Variants in STOX2 observed in about 807,000 individuals in gnomAD.
STOX2 encodes storkhead box 2.
A neutral mutation model predicts 60.9 loss-of-function variants in STOX2; 28 were observed. That is an observed-to-expected ratio of 0.46 (90% CI 0.34 to 0.63). STOX2 has a LOEUF of 0.63. Among genes scored for constraint, STOX2 ranks in the 30% least tolerant of loss-of-function variants. The pLI, the probability that STOX2 is intolerant of heterozygous loss-of-function variation, is 0.01. For missense variants in STOX2, 1,024 were observed against 1,187.7 expected (o/e 0.86, Z 2.03); for synonymous variants, 472 against 463.9 (o/e 1.02, Z -0.22).
At chr4:183,988,992 C>A (rs1233350731) in intron 1 of STOX2, among the ~76,000 whole-genome samples, 1 of 152,174 alleles carries the variant, frequency 6.6e-6, no homozygotes, top group Non-Finnish European at 1.5e-5. Context: ...GCCCACCACA[C>A]ACGACCTCAC....
intron 1 of STOX2, among the ~76,000 whole-genome samples, chr4:183,996,259 T>C (rs1733342790): frequency 6.6e-6 from 1 of 152,220 alleles, no homozygotes; most frequent in Non-Finnish European, 1.5e-5. Flanking sequence ...TACTCCTTTT[T>C]TAGAACAATA....
intron 1 of STOX2, among the ~76,000 whole-genome samples, chr4:183,963,969 G>T (rs1042183827): frequency 6.6e-6 from 1 of 151,286 alleles, no homozygotes; most frequent in Non-Finnish European, 1.5e-5. Context: ...TAGAGACGGG[G>T]TTTCACTGTG....
intron 1 of STOX2, among the ~76,000 whole-genome samples, chr4:183,859,119 T>G (rs892838): frequency 0.36 from 54,075 of 152,116 alleles, 10,495 homozygotes; most frequent in East Asian, 0.59. Context: ...TTGGTGGCTG[T>G]CATAGGCTAC....
In STOX2 at chr4:183,827,278, G is replaced by A. The variant is rs542539872; in HGVS notation, c.364+29223G>A. ...TTTGGGAGGCCAAGGAGGGAGCATC[G>A]CTTGAGGCCAGGAGTTCAACACTAG... On this transcript the variant is annotated intron_variant, in intron 1 of 2. Transcript: ENST00000513034. Among the ~76,000 whole-genome samples the A allele has an allele frequency of 6.6e-5, 10 of 152,232 alleles. 1 individual carries two copies. The highest frequency in any genetic ancestry group is 2.2e-4 in the African/African-American group (9 of 41,524).
At chr4:183,901,694 A>G (rs767041835), upstream of STOX2, among the ~76,000 whole-genome samples, 7 of 151,158 alleles carry the variant, frequency 4.6e-5, no homozygotes, top group African/African-American at 7.3e-5. Context: ...ACTGATACTG[A>G]GTATCTTTTC....
intron 1 of STOX2, among the ~76,000 whole-genome samples, chr4:183,974,944 A>T (rs1027201563): frequency 3.3e-5 from 5 of 152,190 alleles, no homozygotes; most frequent in Admixed American, 3.3e-4. Context: ...ACAGCCAGAG[A>T]CATAAAACAA....
At chr4:183,991,718 C>T (rs1161671573) in intron 1 of STOX2, among the ~76,000 whole-genome samples, 1 of 152,122 alleles carries the variant, frequency 6.6e-6, no homozygotes, top group Non-Finnish European at 1.5e-5. Context: ...GCCACCGCGC[C>T]CGGCCAGGGA....
chr4:183,941,696 G>A (rs1410444204), intron 1 of STOX2, among the ~76,000 whole-genome samples: 1 of 152,168 alleles, frequency 6.6e-6, no homozygotes, highest in Non-Finnish European at 1.5e-5. Context: ...CTTAACACGT[G>A]CCTGGCACAC....
chr4:183,989,865 C>A (rs1192021767), intron 1 of STOX2, among the ~76,000 whole-genome samples: 1 of 152,158 alleles, frequency 6.6e-6, no homozygotes, highest in Non-Finnish European at 1.5e-5. Context: ...TGGCTTTACC[C>A]CCTCATCACA....
intron 1 of STOX2, among the ~76,000 whole-genome samples, chr4:183,923,346 A>T (rs188798143): frequency 3.9e-4 from 60 of 152,258 alleles, no homozygotes; most frequent in African/African-American, 1.4e-3. Context: ...GTTCTTAGTC[A>T]TGTATGTTAT....
chr4:183,935,200 C>T (rs1029730019), intron 1 of STOX2, among the ~76,000 whole-genome samples: 3 of 152,214 alleles, frequency 2.0e-5, no homozygotes, highest in East Asian at 3.9e-4. Context: ...GTGGGAAGCC[C>T]GCTCAGGAGC....
chr4:183,876,148 G>A (rs369071229), intron 1 of STOX2, among the ~76,000 whole-genome samples: 26 of 152,020 alleles, frequency 1.7e-4, no homozygotes, highest in Middle Eastern at 3.4e-3. Context: ...CAAGCTCTGC[G>A]TCTTGCAGAC....
chr4:183,858,634 G>A (rs1277332431), intron 1 of STOX2, among the ~76,000 whole-genome samples: 1 of 152,246 alleles, frequency 6.6e-6, no homozygotes, highest in Non-Finnish European at 1.5e-5. Flanking sequence ...AGGGAGGGAC[G>A]GGAAAACCAC....
chr4:183,806,216 G>A lies in STOX2; in HGVS notation c.364+8161G>A, dbSNP rs1468777034. Among the ~76,000 whole-genome samples the A allele has an allele frequency of 1.3e-5, 2 of 152,172 alleles. No homozygotes were observed. The highest frequency in any genetic ancestry group is 2.4e-5 in the African/African-American group (1 of 41,436). On this transcript the variant is annotated intron_variant, in intron 1 of 2. Coordinates refer to the STOX2 transcript ENST00000513034. This position sits in a 1 kb window ranked among gnomAD's most constrained non-coding sequence, Gnocchi z 4.1. ...TTTCCCAATTTATTGTGAAGGCCCT[G>A]TAATAATTTTCTAAAGTGACAGCCC...
chr4:183,949,915 A>G (rs960160593), intron 1 of STOX2, among the ~76,000 whole-genome samples: 1 of 152,052 alleles, frequency 6.6e-6, no homozygotes, highest in African/African-American at 2.4e-5. Context: ...TCCCTCCTCT[A>G]GCAATGTCAC....
intron 1 of STOX2, among the ~76,000 whole-genome samples, chr4:183,926,458 G>T (rs1274225184): frequency 6.6e-6 from 1 of 152,188 alleles, no homozygotes; most frequent in East Asian, 1.9e-4. Flanking sequence ...ATTCTCTGAG[G>T]TTGGTATTAT....
chr4:184,021,326 T>C lies in STOX2; in HGVS notation c.*4042T>C, dbSNP rs924726682. 4.6e-5 allele frequency: 7 copies of C among 152,328 alleles called. No homozygotes were observed. The highest frequency in any genetic ancestry group is 1.4e-4 in the African/African-American group (6 of 41,574). 9.4% of individuals were successfully genotyped at this position (152,328 alleles called of 1,614,324 possible). A position where few individuals can be genotyped will look rare whatever the true frequency, so the allele number is the denominator to read the frequency against. On this transcript the variant is annotated 3_prime_UTR_variant, in exon 4 of 4. Transcript: ENST00000308497. Reference sequence around the variant, plus strand: ...CACAGTGGCAGCTATTGATGATCTGTTTTCTATCTGTTTGATAGAGCATCA... The same window carrying C: ...CACAGTGGCAGCTATTGATGATCTGCTTTCTATCTGTTTGATAGAGCATCA...
intron 1 of STOX2, among the ~76,000 whole-genome samples, chr4:183,848,699 C>G (rs1740042563): frequency 1.3e-5 from 2 of 152,196 alleles, no homozygotes; most frequent in Admixed American, 1.3e-4. Context: ...TCTGTCCTAA[C>G]CATGTCAAAC....
intron 1 of STOX2, among the ~76,000 whole-genome samples, chr4:183,975,774 C>A (rs1453207950): frequency 1.3e-5 from 2 of 152,124 alleles, no homozygotes; most frequent in Non-Finnish European, 2.9e-5. Flanking sequence ...TCTGTAAGAT[C>A]TTTTTCAAAA....
Sources: allele counts gnomAD v4.1 joint callset (sites outside exome capture counted in the v4.1 genomes callset), GRCh38; gene constraint gnomAD v4.1.1; non-coding constraint Gnocchi (gnomAD v3.1); transcripts MANE v1.5; gene names NCBI Gene and HGNC (gene_info 2026-07-23, HGNC 2026-07-21).